Variants in CHD2 observed in about 807,000 individuals in gnomAD.
CHD2 encodes ATP-dependent chromatin remodeler CHD2.
CHD2 carries 28 observed loss-of-function variants against 243.9 expected under a neutral mutation model. The observed-to-expected ratio is 0.11, with a 90% CI of 0.09 to 0.16. The LOEUF is 0.16. Among genes scored for constraint, CHD2 ranks in the 10% least tolerant of loss-of-function variants. CHD2 has a pLI of 1.00. For synonymous variants in CHD2, 775 were observed against 779.0 expected (o/e 0.99, Z 0.09); for missense variants, 1,386 against 2,209.8 (o/e 0.63, Z 7.47).
At chr15:92,901,917 A>G (rs1054060033) in intron 2 of CHD2, 3 of 342,494 alleles carry the variant, frequency 8.8e-6, no homozygotes, top group African/African-American at 4.2e-5. Context: ...GTGATTTATC[A>G]AAACCTTTAC....
intron 5 of CHD2, among the ~76,000 whole-genome samples, chr15:92,930,553 C>G (rs1051251883): frequency 3.9e-5 from 6 of 152,020 alleles, no homozygotes; most frequent in Admixed American, 1.3e-4. Flanking sequence ...CTAAGCCACT[C>G]GAGTAGCTGG....
chr15:92,993,802 C>T (rs1193867966), intron 28 of CHD2, among the ~76,000 whole-genome samples: 2 of 151,768 alleles, frequency 1.3e-5, no homozygotes, highest in Non-Finnish European at 2.9e-5. Flanking sequence ...AAAAATTAGC[C>T]GAAAGTAGTA....
intron 34 of CHD2, among the ~76,000 whole-genome samples, chr15:93,008,806 T>C (rs1393371455): frequency 6.6e-6 from 1 of 152,182 alleles, no homozygotes; most frequent in Non-Finnish European, 1.5e-5. Context: ...GGTGGGAGAA[T>C]TTCAGATTAG....
intron 13 of CHD2, among the ~76,000 whole-genome samples, chr15:92,950,988 C>T (rs1398360361): frequency 6.6e-6 from 1 of 151,992 alleles, no homozygotes; most frequent in Non-Finnish European, 1.5e-5. Context: ...ATGATTTTTC[C>T]TTTTAGAGGT....
intron 2 of CHD2, among the ~76,000 whole-genome samples, chr15:92,923,149 A>G (rs1199561608): frequency 6.6e-6 from 1 of 152,160 alleles, no homozygotes; most frequent in Non-Finnish European, 1.5e-5. Context: ...AATGTGTATA[A>G]ATTTTTATAA....
At position 92,998,431 on chromosome 15, in the gene CHD2, C is replaced by T. The variant is rs955874012; in HGVS notation, c.3886-68C>T. The T allele has an allele frequency of 6.2e-7, 1 of 1,600,628 alleles. No homozygotes were observed. Among genetic ancestry groups the T allele is most frequent in the Admixed American group, 1.7e-5 (1 of 58,858 alleles). ...GGACTGTGCTCAGTTTTTGTTGTCT[C>T]TGTTTATCCTGATCCACTAACCAGG... On this transcript the variant is annotated intron_variant, in intron 30 of 38. Coordinates refer to ENST00000394196, the MANE Select transcript of CHD2 (RefSeq NM_001271.4). The surrounding 1 kb of genome is among the most constrained non-coding windows in gnomAD (Gnocchi z 5.1).
chr15:92,976,898 C>T (rs1463226926), intron 20 of CHD2, among the ~76,000 whole-genome samples: 1 of 124,552 alleles, frequency 8.0e-6, no homozygotes, highest in African/African-American at 3.0e-5. Context: ...GACCCTGTCT[C>T]AAAAAAAAAA....
intron 26 of CHD2, among the ~76,000 whole-genome samples, chr15:92,987,166 T>A (rs1567153343): frequency 6.6e-6 from 1 of 152,242 alleles, no homozygotes; most frequent in Non-Finnish European, 1.5e-5. Flanking sequence ...ATATTTTTTA[T>A]AATCGATAGG....
At chr15:93,011,718 G>A (rs2054396552) in intron 35 of CHD2, among the ~76,000 whole-genome samples, 1 of 152,146 alleles carries the variant, frequency 6.6e-6, no homozygotes, top group Non-Finnish European at 1.5e-5. Flanking sequence ...TCATTCCCCT[G>A]TTGCGCAGTA....
chr15:92,920,977 G>C (rs186889707), intron 2 of CHD2, among the ~76,000 whole-genome samples: 1 of 152,138 alleles, frequency 6.6e-6, no homozygotes, highest in Non-Finnish European at 1.5e-5. Flanking sequence ...AGCTGCCGGA[G>C]CTTTGGAGTG....
At chr15:92,905,579 C>A (rs1052613388) in intron 2 of CHD2, among the ~76,000 whole-genome samples, 1 of 152,096 alleles carries the variant, frequency 6.6e-6, no homozygotes, top group African/African-American at 2.4e-5. Flanking sequence ...GTGATATTTG[C>A]TTGGGCGTAT....
chr15:92,971,503 A>G (rs138396739), intron 17 of CHD2, among the ~76,000 whole-genome samples: 14 of 152,286 alleles, frequency 9.2e-5, no homozygotes, highest in Admixed American at 5.9e-4. Flanking sequence ...ATATGTAGAG[A>G]GAGTTGTTTT....
chr15:92,979,364 C>G (rs919280642), intron 22 of CHD2, 81 bp downstream of exon 22: 18 of 1,512,188 alleles, frequency 1.2e-5, no homozygotes, highest in Non-Finnish European at 1.6e-5. Context: ...TTTTCTACCA[C>G]AGACATTAGT....
chr15:92,942,906 A>T lies in CHD2; in HGVS notation c.890A>T (p.Asp297Val), dbSNP rs527697910. Residue 297 changes from aspartate (D) to valine (V), a missense_variant, in exon 9 of 39, where the codon GAC (aspartate) becomes GTC (valine). Physicochemically the swap from Asp to Val is radical, Grantham distance 152. Coordinates refer to ENST00000394196, the MANE Select transcript of CHD2 (RefSeq NM_001271.4). ...AATGGCGACCCTAGTGGTGACTTTG[A>T]CACTGAAAAGGATGAAGGTGAAATC... ...EANGDPSGDF[D>V]TEKDEGEIQY... 6 of 1,614,100 alleles carry T rather than the reference A, an allele frequency of 3.7e-6. No individual in the cohort carries two copies. Among genetic ancestry groups the T allele is most frequent in the South Asian group, 3.3e-5 (3 of 91,080 alleles).
chr15:92,999,892 T>C (rs1386573901), intron 31 of CHD2, among the ~76,000 whole-genome samples: 1 of 152,056 alleles, frequency 6.6e-6, no homozygotes, highest in Non-Finnish European at 1.5e-5. Context: ...GTATACAGAG[T>C]GATTTTCCTT....
intron 32 of CHD2, 103 bp downstream of exon 32, chr15:93,000,743 A>G: frequency 1.6e-6 from 2 of 1,253,120 alleles, no homozygotes; most frequent in Non-Finnish European, 2.2e-6. Flanking sequence ...TTACGAGTGG[A>G]TTAAATGGAA....
chr15:93,019,905 C>A, intron 37 of CHD2, 107 bp from the exon 38 acceptor site: 1 of 1,366,936 alleles, frequency 7.3e-7, no homozygotes, highest in Non-Finnish European at 9.9e-7. Context: ...TGCACTCCAG[C>A]CTGGGCAAAC....
rs1434810606 is a variant in CHD2 at position 93,020,206 on chromosome 15, G to A, written c.5101G>A (p.Asp1701Asn). The change falls in exon 38 of 39, where the codon GAC (aspartate) becomes AAC (asparagine). Residue 1701 changes from aspartate (D) to asparagine (N), a missense_variant. By Grantham distance (23) the Asp-to-Asn change is conservative. Coordinates refer to ENST00000394196, the MANE Select transcript of CHD2 (RefSeq NM_001271.4). ...PNNMSRKRPY[D>N]QYSSDRDHRG... ...CAACATGTCCAGAAAGAGGCCTTAT[G>A]ACCAGTACAGCAGTGACCGAGACCA... 6.2e-7 allele frequency: 1 copy of A among 1,613,974 alleles called. No homozygotes were observed. The highest frequency in any genetic ancestry group is 2.2e-5 in the East Asian group (1 of 44,898).
chr15:92,926,329 C>T (rs1370594902), intron 3 of CHD2, among the ~76,000 whole-genome samples: 1 of 152,186 alleles, frequency 6.6e-6, no homozygotes, highest in South Asian at 2.1e-4. Context: ...CTGAACCTTA[C>T]TTTTCCAAAT....
Sources: gnomAD v4.1 joint callset for allele counts (sites outside exome capture counted in the v4.1 genomes callset) on GRCh38, gnomAD v4.1.1 for gene constraint, Gnocchi (gnomAD v3.1) non-coding constraint, MANE v1.5 for transcripts, NCBI Gene and HGNC (gene_info 2026-07-23, HGNC 2026-07-21) for gene names.